TRMT13: variants seen among roughly 807,000 people sequenced by gnomAD.
TRMT13 encodes the protein tRNA:m(4)X modification enzyme TRM13 homolog.
Under a neutral mutation model 55.9 loss-of-function variants are expected in TRMT13, and 45 were observed. The observed-to-expected ratio is 0.80, with a 90% CI of 0.63 to 1.03. TRMT13 has a LOEUF of 1.03. TRMT13 is among the 50% of genes least tolerant of loss of function. The pLI, the probability that TRMT13 is intolerant of heterozygous loss-of-function variation, is 0.00. For synonymous variants in TRMT13, 183 were observed against 196.3 expected (o/e 0.93, Z 0.57); for missense variants, 513 against 563.9 (o/e 0.91, Z 0.91).
rs1010112059 is a variant in TRMT13 at position 100,149,684 on chromosome 1, T to C, written c.*864T>C. On this transcript the variant is annotated 3_prime_UTR_variant, in exon 11 of 11. Coordinates refer to ENST00000370141, the MANE Select transcript of TRMT13 (RefSeq NM_019083.3). ...AATTAGATAATGAAACCAAAAACCTTCTCAAATTTAGGCCTTATTTAACTC... is the reference window on the plus strand; with the variant it reads ...AATTAGATAATGAAACCAAAAACCTCCTCAAATTTAGGCCTTATTTAACTC... The C allele has an allele frequency of 1.0e-4, 31 of 307,760 alleles. No individual in the cohort carries two copies. Among genetic ancestry groups the C allele is most frequent in the African/African-American group, 6.0e-4 (27 of 44,660 alleles). The allele number at this position is 307,760 out of a possible 1,614,324, so 19.1% of individuals were successfully genotyped here.
At position 100,146,329 on chromosome 1, in the gene TRMT13, G is replaced by A. The variant is rs143815181; in HGVS notation, c.818-1565G>A. ...TGAGTATATGGTATATACTTAGTAC[G>A]ATGCTTGCTATATAACAGGAACACA... is the stretch of plus-strand genomic sequence containing the variant. On this transcript the variant is annotated intron_variant, in intron 9 of 10. Transcript: ENST00000370141. Among the ~76,000 whole-genome samples, 1,272 of 152,202 alleles carry A rather than the reference G, an allele frequency of 8.4e-3. 11 individuals are homozygous for A. Among genetic ancestry groups the A allele is most frequent in the Non-Finnish European group, 0.013 (902 of 68,012 alleles).
At position 100,149,312 on chromosome 1, in the gene TRMT13, C is replaced by T. The variant is rs72973703; in HGVS notation, c.*492C>T. On this transcript the variant is annotated 3_prime_UTR_variant, in exon 11 of 11. Transcript: ENST00000370141. ...AGCACAATTGTGATTTTCTCAAATG[C>T]AGACAATTCAGAGATATTCACAATT... 2.5e-3 allele frequency: 3,840 copies of T among 1,534,142 alleles called. 87 individuals are homozygous for T. In the African/African-American group the frequency reaches 0.048, roughly 19 times the overall value.
chr1:100,137,058 A>G lies in TRMT13; in HGVS notation c.234A>G (p.Lys78=). The G allele has an allele frequency of 6.2e-7, 1 of 1,612,744 alleles. No homozygotes were observed. Residue 78 remains lysine, a synonymous_variant, in exon 3 of 11, where the codon AAA becomes AAG. Coordinates refer to ENST00000370141, the MANE Select transcript of TRMT13 (RefSeq NM_019083.3). ...YEDQLAKHLK[K]CNSREKPKPD... ...ATCAACTAGCAAAGCATTTGAAAAAATGTAACTCAAGAGAGAAACCAAAAC... is the reference window on the plus strand; with the variant it reads ...ATCAACTAGCAAAGCATTTGAAAAAGTGTAACTCAAGAGAGAAACCAAAAC...
Position 100,149,462 on chromosome 1 carries a change from C to A in TRMT13, c.*642C>A. 1 of 1,530,078 alleles carries A rather than the reference C, an allele frequency of 6.5e-7. No homozygotes were observed. The highest frequency in any genetic ancestry group is 1.3e-5 in the South Asian group (1 of 79,024). 94.8% of individuals were successfully genotyped at this position (1,530,078 alleles called of 1,614,324 possible). ...TGTTTTCAAAGAAAAAAGATTATTT[C>A]ACTTAATTATTTTGTTGGATAATTG... is the stretch of plus-strand genomic sequence containing the variant. On this transcript the variant is annotated 3_prime_UTR_variant, in exon 11 of 11. Transcript: ENST00000370141.
intron 1 of TRMT13, among the ~76,000 whole-genome samples, chr1:100,135,275 T>C (rs940781637): frequency 6.6e-6 from 1 of 152,118 alleles, no homozygotes; most frequent in African/African-American, 2.4e-5. Context: ...ACAGTTAGGC[T>C]CTGGGGGTTA....
intron 9 of TRMT13, 93 bp from the exon 10 acceptor site, chr1:100,147,801 G>A (rs572321197): frequency 8.2e-7 from 1 of 1,226,030 alleles, no homozygotes; most frequent in South Asian, 1.7e-5. Flanking sequence ...TTTTATTGTT[G>A]AGTTTTTAAA....
chr1:100,147,610 G>T (rs977566630), intron 9 of TRMT13, among the ~76,000 whole-genome samples: 1 of 152,160 alleles, frequency 6.6e-6, no homozygotes, highest in African/African-American at 2.4e-5. Flanking sequence ...AGACAATTCA[G>T]GTAGTTGGGT....
chr1:100,136,192 G>C (rs1655837825), intron 1 of TRMT13, among the ~76,000 whole-genome samples: 1 of 152,146 alleles, frequency 6.6e-6, no homozygotes, highest in African/African-American at 2.4e-5. Context: ...GTAAAAAGTT[G>C]CAAAGCCAGT....
In TRMT13 at chr1:100,148,837, G is replaced by T; in HGVS notation, c.*17G>T. On this transcript the variant is annotated 3_prime_UTR_variant, in exon 11 of 11. Coordinates refer to ENST00000370141, the MANE Select transcript of TRMT13 (RefSeq NM_019083.3). ...ACTGCTTAATGGAAAAGAAATTTGA[G>T]CATCATCTGTCTTCCACCAAAAAAA... is the stretch of plus-strand genomic sequence containing the variant. 1 of 1,418,276 alleles carries T rather than the reference G, an allele frequency of 7.1e-7. No individual in the cohort carries two copies. The highest frequency in any genetic ancestry group is 1.8e-5 in the South Asian group (1 of 55,422). 87.9% of individuals were successfully genotyped at this position (1,418,276 alleles called of 1,614,324 possible). A position where few individuals can be genotyped will look rare whatever the true frequency, so the allele number is the denominator to read the frequency against.
chr1:100,142,945 TA>T, intron 7 of TRMT13, 191 bp from the exon 8 acceptor site: 2 of 548,760 alleles, frequency 3.6e-6, no homozygotes, highest in Non-Finnish European at 6.4e-6. Context: ...GTCTATGTAA[TA>T]ATTGATAAAC....
chr1:100,142,948 T>C, intron 7 of TRMT13, 189 bp from the exon 8 acceptor site: 2 of 551,730 alleles, frequency 3.6e-6, no homozygotes, highest in Non-Finnish European at 6.4e-6. Context: ...TATGTAATAA[T>C]TGATAAACAT....
In TRMT13 at chr1:100,137,022, A is replaced by G. The variant is rs1037163961; in HGVS notation, c.198A>G (p.Thr66=). ...RILCPLDPKH[T]VYEDQLAKHL... is the part of the protein sequence containing the mutation. ...ATAATTTTCTCTTTAAATTTAGCAC[A>G]GTATATGAAGATCAACTAGCAAAGC... Residue 66 remains threonine (T), a synonymous_variant, in exon 3 of 11, where the codon ACA becomes ACG. Transcript: ENST00000370141. The G allele has an allele frequency of 5.0e-6, 8 of 1,609,374 alleles. No homozygotes were observed. The highest frequency in any genetic ancestry group is 6.8e-6 in the Non-Finnish European group (8 of 1,178,738).
rs145090746 is a variant in TRMT13 at position 100,134,475 on chromosome 1, C to T, written c.147+1160C>T. ...TATCCAGTGCAGATCAGTCCCCTGA[C>T]CCCCTTCATCTGCCACTCTCCATCA... On this transcript the variant is annotated intron_variant, in intron 1 of 10. Coordinates refer to ENST00000370141, the MANE Select transcript of TRMT13 (RefSeq NM_019083.3). Among the ~76,000 whole-genome samples, 112 of 152,352 alleles carry T rather than the reference C, an allele frequency of 7.4e-4. 1 individual carries two copies. Among genetic ancestry groups the T allele is most frequent in the African/African-American group, 2.6e-3 (109 of 41,584 alleles).
rs1455710064 is a variant in TRMT13 at position 100,145,508 on chromosome 1, A to G, written c.817+1365A>G. Among the ~76,000 whole-genome samples, 5 of 151,738 alleles carry G rather than the reference A, an allele frequency of 3.3e-5. No individual in the cohort carries two copies. In the South Asian group the frequency reaches 6.2e-4, roughly 19 times the overall value. On this transcript the variant is annotated intron_variant, in intron 9 of 10. Coordinates refer to ENST00000370141, the MANE Select transcript of TRMT13 (RefSeq NM_019083.3). ...ATTCCATTTTCTTCTCTTTTGCGAT[A>G]CTCTTATTTCCTGGTTCTTCCCCTA...
intron 3 of TRMT13, 72 bp downstream of exon 3, chr1:100,137,157 A>G (rs1364055718): frequency 6.1e-6 from 8 of 1,304,044 alleles, no homozygotes; most frequent in Middle Eastern, 2.7e-4. Context: ...TGCACATGGA[A>G]TGTACTTGTT....
At chr1:100,137,704 A>G (rs1291486046) in intron 3 of TRMT13, among the ~76,000 whole-genome samples, 1 of 152,194 alleles carries the variant, frequency 6.6e-6, no homozygotes, top group African/African-American at 2.4e-5. Context: ...CTTTGCTTCT[A>G]AGACTCATAG....
intron 1 of TRMT13, 56 bp downstream of exon 1, chr1:100,133,371 G>A: frequency 6.4e-7 from 1 of 1,564,678 alleles, no homozygotes; most frequent in East Asian, 2.3e-5. Flanking sequence ...GGTCCTGTCG[G>A]TGCTGGAACC....
At chr1:100,142,864 A>G (rs1303366366) in intron 7 of TRMT13, 2 of 396,326 alleles carry the variant, frequency 5.0e-6, no homozygotes. Flanking sequence ...TCTTAGATAA[A>G]TCACTTAAGA....
chr1:100,139,393 A>C (rs577908623), intron 3 of TRMT13, among the ~76,000 whole-genome samples: 5 of 152,214 alleles, frequency 3.3e-5, no homozygotes, highest in Non-Finnish European at 7.3e-5. Context: ...TTATTCAGAT[A>C]ATCACCTCAC....
Sources: allele counts gnomAD v4.1 joint callset (sites outside exome capture counted in the v4.1 genomes callset), GRCh38; gene constraint gnomAD v4.1.1; transcripts MANE v1.5; gene names NCBI Gene and HGNC (gene_info 2026-07-23, HGNC 2026-07-21).